The following DPP6 variants were observed in gnomAD, a reference collection of about 807,000 sequenced individuals.
DPP6 encodes A-type potassium channel modulatory protein DPP6.
Under a neutral mutation model 122.6 loss-of-function variants are expected in DPP6, and 69 were observed. The observed-to-expected ratio is 0.56, with a 90% CI of 0.46 to 0.69. The LOEUF is 0.69. Among genes scored for constraint, DPP6 ranks in the 30% least tolerant of loss-of-function variants. The probability of loss-of-function intolerance (pLI) is 0.00; values close to 1 mark genes in which losing one functional copy is unlikely to be tolerated. For missense variants in DPP6, 928 were observed against 1,116.9 expected (o/e 0.83, Z 2.41); for synonymous variants, 418 against 433.1 (o/e 0.97, Z 0.43).
the DPP6 span, among the ~76,000 whole-genome samples, chr7:153,795,202 G>A: frequency 1.3e-5 from 2 of 152,210 alleles, no homozygotes; most frequent in East Asian, 3.8e-4. Context: ...GGATCACGAG[G>A]TCAGGAGATC....
At chr7:153,897,100 A>C (rs1354819917) in intron 1 of DPP6, among the ~76,000 whole-genome samples, 1 of 152,162 alleles carries the variant, frequency 6.6e-6, no homozygotes, top group Non-Finnish European at 1.5e-5. Flanking sequence ...GTGCTATGTT[A>C]TTATGTTAGA....
chr7:154,313,712 T>TATATATATAGATATATATATACGC (rs1554515587), intron 1 of DPP6, among the ~76,000 whole-genome samples: 1 of 24,914 alleles, frequency 4.0e-5, no homozygotes, highest in Non-Finnish European at 9.8e-5. Context: ...TATATATATA[T>TATATATATAGATATATATATACGC]ATACACACAC....
chr7:153,835,672 A>C, the DPP6 span, among the ~76,000 whole-genome samples: 4 of 152,182 alleles, frequency 2.6e-5, no homozygotes, highest in African/African-American at 9.7e-5. Flanking sequence ...GGGTTTTAGT[A>C]GTTTTTGATT....
intron 1 of DPP6, among the ~76,000 whole-genome samples, chr7:153,889,481 A>T (rs970199286): frequency 2.6e-5 from 4 of 152,210 alleles, no homozygotes; most frequent in African/African-American, 9.7e-5. Context: ...ATAAGGCAAC[A>T]TTATTGACTC....
At chr7:154,099,410 A>G (rs1266072178) in intron 1 of DPP6, among the ~76,000 whole-genome samples, 1 of 152,054 alleles carries the variant, frequency 6.6e-6, no homozygotes, top group Non-Finnish European at 1.5e-5. Context: ...AATCAGTAAA[A>G]ATTATTACAT....
At chr7:153,809,277 C>G in the DPP6 span, among the ~76,000 whole-genome samples, 1 of 151,856 alleles carries the variant, frequency 6.6e-6, no homozygotes, top group Non-Finnish European at 1.5e-5. Context: ...TGTAGGAGTT[C>G]CTTCTTCTCT....
At chr7:154,181,934 A>G (rs769755829) in intron 1 of DPP6, among the ~76,000 whole-genome samples, 4 of 151,942 alleles carry the variant, frequency 2.6e-5, no homozygotes, top group Non-Finnish European at 4.4e-5. Context: ...TTTTTAGTAG[A>G]GACGGGGTTT....
At chr7:154,806,670 A>G (rs1798715071) in intron 15 of DPP6, among the ~76,000 whole-genome samples, 1 of 152,218 alleles carries the variant, frequency 6.6e-6, no homozygotes, top group Admixed American at 6.5e-5. Context: ...GCTAGATCAT[A>G]TAACACTGAC....
chr7:154,416,653 T>A (rs897905120), intron 1 of DPP6, among the ~76,000 whole-genome samples: 1 of 151,230 alleles, frequency 6.6e-6, no homozygotes, highest in Non-Finnish European at 1.5e-5. Flanking sequence ...ACTGGGGGCA[T>A]CCCCTTGGCG....
intron 22 of DPP6, among the ~76,000 whole-genome samples, chr7:154,886,864 C>T (rs1373967157): frequency 2.6e-5 from 4 of 152,246 alleles, no homozygotes; most frequent in Non-Finnish European, 4.4e-5. Flanking sequence ...CCAACACCTT[C>T]ACAGCGGGCT....
chr7:154,621,455 G>A (rs6597445), intron 5 of DPP6, among the ~76,000 whole-genome samples: 78,036 of 151,968 alleles, frequency 0.51, 20,364 homozygotes, highest in African/African-American at 0.57. Context: ...TGCAACCTCC[G>A]CCTCCTGGGT....
intron 1 of DPP6, among the ~76,000 whole-genome samples, chr7:154,423,217 G>T (rs1817626119): frequency 6.6e-6 from 1 of 152,180 alleles, no homozygotes; most frequent in South Asian, 2.1e-4. Context: ...AGCAGTGACT[G>T]GGCATTTATA....
intron 1 of DPP6, among the ~76,000 whole-genome samples, chr7:154,299,308 G>GAAAACC (rs1387166291): frequency 6.6e-6 from 1 of 152,194 alleles, no homozygotes; most frequent in African/African-American, 2.4e-5. Flanking sequence ...GCGTGCAAGA[G>GAAAACC]AAAACCAAAA....
intron 17 of DPP6, among the ~76,000 whole-genome samples, chr7:154,865,882 C>T (rs1435023247): frequency 2.6e-5 from 4 of 152,176 alleles, no homozygotes; most frequent in African/African-American, 4.8e-5. Context: ...AGATATGAAT[C>T]GATTTTCCAC....
At chr7:154,384,044 G>GCCCC (rs746769723) in intron 1 of DPP6, among the ~76,000 whole-genome samples, 13 of 152,172 alleles carry the variant, frequency 8.5e-5, no homozygotes, top group Non-Finnish European at 1.6e-4. Context: ...GGGAGCAGCT[G>GCCCC]CTTTGCACCT....
chr7:154,212,473 T>C (rs991814896), intron 1 of DPP6, among the ~76,000 whole-genome samples: 19 of 152,178 alleles, frequency 1.2e-4, no homozygotes, highest in Non-Finnish European at 2.5e-4. Flanking sequence ...CAACTTTTCC[T>C]CCATGATTAA....
the DPP6 span, among the ~76,000 whole-genome samples, chr7:153,755,632 G>A: frequency 3.3e-5 from 5 of 151,828 alleles, no homozygotes; most frequent in Non-Finnish European, 5.9e-5. Flanking sequence ...CCCCTTCTGG[G>A]GCATTTCATC....
intron 1 of DPP6, among the ~76,000 whole-genome samples, chr7:154,329,510 C>A (rs752339786): frequency 6.6e-6 from 1 of 152,138 alleles, no homozygotes; most frequent in African/African-American, 2.4e-5. Flanking sequence ...GTTAGAATGG[C>A]GATCATTAAA....
intron 1 of DPP6, among the ~76,000 whole-genome samples, chr7:154,346,253 A>C (rs1029571723): frequency 3.3e-5 from 5 of 152,136 alleles, no homozygotes; most frequent in Non-Finnish European, 5.9e-5. Flanking sequence ...AACAAAACTG[A>C]AGACTTTTCA....
Sources: allele counts gnomAD v4.1 joint callset (sites outside exome capture counted in the v4.1 genomes callset), GRCh38; gene constraint gnomAD v4.1.1; transcripts MANE v1.5; gene names NCBI Gene and HGNC (gene_info 2026-07-23, HGNC 2026-07-21).